Variants in HYCC2 observed in about 807,000 individuals in gnomAD.
HYCC2 encodes hyccin PI4KA lipid kinase complex subunit 2.
the HYCC2 span, among the ~76,000 whole-genome samples, chr2:201,032,090 A>G: frequency 3.3e-5 from 5 of 152,136 alleles, no homozygotes; most frequent in Middle Eastern, 6.8e-3. Flanking sequence ...CCTCCCGAGT[A>G]TCTGGGATTA....
the HYCC2 span, among the ~76,000 whole-genome samples, chr2:201,038,607 G>A: frequency 6.6e-6 from 1 of 152,082 alleles, no homozygotes; most frequent in Non-Finnish European, 1.5e-5. Context: ...CATGGAAGAA[G>A]CTGGAAACCA....
At chr2:200,995,928 T>G in the HYCC2 span, 2 of 152,328 alleles carry the variant, frequency 1.3e-5, no homozygotes, top group East Asian at 3.9e-4. Flanking sequence ...AAAATCATTT[T>G]GAAAGGCTGA....
chr2:201,007,825 T>C, the HYCC2 span, among the ~76,000 whole-genome samples: 1 of 151,250 alleles, frequency 6.6e-6, no homozygotes, highest in African/African-American at 2.5e-5. Context: ...CATGCCTACA[T>C]AATGATGCCT....
chr2:201,014,462 C>T, the HYCC2 span, among the ~76,000 whole-genome samples: 1 of 152,176 alleles, frequency 6.6e-6, no homozygotes, highest in Non-Finnish European at 1.5e-5. Context: ...CATTTATAAA[C>T]ACCTTATGCA....
chr2:201,063,278 A>G, the HYCC2 span: 22 of 1,551,974 alleles, frequency 1.4e-5, no homozygotes, highest in Non-Finnish European at 1.9e-5. Flanking sequence ...CACATATGCC[A>G]CTGTGAAGGA....
At chr2:200,980,939 T>TGTA in the HYCC2 span, 9 of 314,820 alleles carry the variant, frequency 2.9e-5, no homozygotes, top group South Asian at 3.6e-4. Context: ...TTTCCTCTAA[T>TGTA]GTACCCTCAG....
the HYCC2 span, among the ~76,000 whole-genome samples, chr2:200,990,012 G>A: frequency 3.3e-5 from 5 of 150,636 alleles, no homozygotes; most frequent in Non-Finnish European, 7.4e-5. Context: ...GTCCTGTCTA[G>A]ATCTAAAAAA....
At chr2:201,010,179 T>C in the HYCC2 span, among the ~76,000 whole-genome samples, 12 of 152,042 alleles carry the variant, frequency 7.9e-5, no homozygotes, top group Admixed American at 7.9e-4. Flanking sequence ...TTTTATTTCA[T>C]GATACACACA....
the HYCC2 span, chr2:200,976,009 T>TTA: frequency 2.0e-5 from 3 of 152,134 alleles, no homozygotes; most frequent in African/African-American, 7.2e-5. Context: ...ACTCATAATT[T>TTA]TATTAGCATT....
the HYCC2 span, among the ~76,000 whole-genome samples, chr2:201,016,212 C>CA: frequency 6.6e-6 from 1 of 152,012 alleles, no homozygotes; most frequent in Admixed American, 6.5e-5. Context: ...AATACATTAT[C>CA]AAAAAAATGC....
At chr2:201,048,379 T>C in the HYCC2 span, among the ~76,000 whole-genome samples, 1 of 152,220 alleles carries the variant, frequency 6.6e-6, no homozygotes, top group South Asian at 2.1e-4. Flanking sequence ...TATTAATAAT[T>C]ATATTACAGT....
At chr2:201,006,906 A>G in the HYCC2 span, among the ~76,000 whole-genome samples, 1 of 152,264 alleles carries the variant, frequency 6.6e-6, no homozygotes, top group Non-Finnish European at 1.5e-5. Flanking sequence ...TCATTAACTA[A>G]TTTCTATGAC....
chr2:201,029,827 G>A, the HYCC2 span, among the ~76,000 whole-genome samples: 4 of 152,136 alleles, frequency 2.6e-5, no homozygotes, highest in Non-Finnish European at 4.4e-5. Context: ...AATACCTAAT[G>A]TAAATGACGA....
At chr2:201,002,152 G>A in the HYCC2 span, among the ~76,000 whole-genome samples, 3 of 151,334 alleles carry the variant, frequency 2.0e-5, no homozygotes, top group African/African-American at 7.3e-5. Context: ...AGAAAAATGG[G>A]GCTGGGCACA....
the HYCC2 span, among the ~76,000 whole-genome samples, chr2:200,993,824 A>T: frequency 6.6e-6 from 1 of 151,606 alleles, no homozygotes; most frequent in African/African-American, 2.4e-5. Flanking sequence ...TACTAAAAAT[A>T]CAAAAAAAAA....
the HYCC2 span, chr2:201,023,671 C>G: frequency 9.2e-6 from 2 of 218,002 alleles, no homozygotes; most frequent in Non-Finnish European, 1.8e-5. Context: ...CTTATTAAAG[C>G]TTGATGGATC....
At chr2:200,992,354 C>A in the HYCC2 span, 1 of 1,608,368 alleles carries the variant, frequency 6.2e-7, no homozygotes, top group Non-Finnish European at 8.5e-7. Flanking sequence ...GCCAAGGTCC[C>A]ACTGTCCATT....
chr2:201,023,858 T>G, the HYCC2 span: 1 of 842,956 alleles, frequency 1.2e-6, no homozygotes, highest in Non-Finnish European at 1.9e-6. Context: ...TTTTTATGTT[T>G]CTCCATAGAG....
the HYCC2 span, among the ~76,000 whole-genome samples, chr2:201,035,833 A>G: frequency 6.6e-6 from 1 of 152,148 alleles, no homozygotes; most frequent in Non-Finnish European, 1.5e-5. Context: ...CAGGACCCTC[A>G]GCTGCAGGTC....
Sources: allele counts gnomAD v4.1 joint callset (sites outside exome capture counted in the v4.1 genomes callset), GRCh38; gene constraint gnomAD v4.1.1; transcripts MANE v1.5; gene names NCBI Gene and HGNC (gene_info 2026-07-23, HGNC 2026-07-21).